The following ARHGEF18 variants were observed in gnomAD, a reference collection of about 807,000 sequenced individuals.
ARHGEF18 encodes the protein rho guanine nucleotide exchange factor 18.
In ARHGEF18, 93 loss-of-function variants were observed where a neutral mutation model predicts 155.7. The observed-to-expected ratio is 0.60, with a 90% confidence interval of 0.50 to 0.71. The LOEUF is 0.71. Ranked by LOEUF, ARHGEF18 falls within the 30% of genes least tolerant of loss-of-function variation. The pLI is 0.00. For synonymous variants in ARHGEF18, 742 were observed against 753.1 expected (o/e 0.99, Z 0.24); for missense variants, 1,593 against 1,816.1 (o/e 0.88, Z 2.23).
intron 1 of ARHGEF18, among the ~76,000 whole-genome samples, chr19:7,362,155 GAGGAGAAGAAGGAGA>G (rs1969634690): frequency 2.7e-5 from 1 of 37,610 alleles, no homozygotes; most frequent in East Asian, 8.9e-4. Context: ...GAAGGAGAAG[GAGGAGAAGAAGGAGA>G]AGAAGGAGAA....
At chr19:7,400,513 C>G (rs1300443405) in intron 10 of ARHGEF18, among the ~76,000 whole-genome samples, 2 of 151,928 alleles carry the variant, frequency 1.3e-5, no homozygotes, top group Non-Finnish European at 2.9e-5. Context: ...GGGAGTTGGT[C>G]TGGAGAAAGT....
At chr19:7,458,427 T>C in intron 18 of ARHGEF18, 85 bp from the exon 19 acceptor site, 2 of 1,315,766 alleles carry the variant, frequency 1.5e-6, no homozygotes, top group Non-Finnish European at 2.1e-6. Flanking sequence ...CCACTCTTAG[T>C]TCCCCTCACC....
At chr19:7,474,060 TG>T (rs1293231427), downstream of ARHGEF18, among the ~76,000 whole-genome samples, 1 of 150,146 alleles carries the variant, frequency 6.7e-6, no homozygotes, top group Non-Finnish European at 1.5e-5. Flanking sequence ...AAAAAAGGGC[TG>T]GACGCAGTGG....
intron 17 of ARHGEF18, among the ~76,000 whole-genome samples, chr19:7,455,574 C>T (rs952934581): frequency 5.3e-5 from 8 of 152,126 alleles, no homozygotes; most frequent in African/African-American, 1.4e-4. Flanking sequence ...TGCTGTGGCT[C>T]GGGTCCTGGT....
intron 2 of ARHGEF18, among the ~76,000 whole-genome samples, chr19:7,368,015 G>A (rs189751734): frequency 0.046 from 3,989 of 86,302 alleles, 460 homozygotes; most frequent in African/African-American, 0.14. Flanking sequence ...GGGAGGGAGG[G>A]AGGGCGGAAG....
intron 10 of ARHGEF18, among the ~76,000 whole-genome samples, chr19:7,408,712 G>GTATTT (rs1972484656): frequency 6.6e-6 from 1 of 152,188 alleles, no homozygotes; most frequent in Non-Finnish European, 1.5e-5. Flanking sequence ...GCAAGCCTGG[G>GTATTT]GGTGTTCAAC....
chr19:7,376,164 A>G (rs1970452535), intron 4 of ARHGEF18, among the ~76,000 whole-genome samples: 1 of 152,138 alleles, frequency 6.6e-6, no homozygotes, highest in African/African-American at 2.4e-5. Flanking sequence ...TTGCAGTTTC[A>G]GCCAGGCTTG....
chr19:7,405,341 C>G lies in ARHGEF18; in HGVS notation c.967+22138C>G, dbSNP rs139399600. Among the ~76,000 whole-genome samples the G allele has an allele frequency of 5.3e-5, 8 of 152,358 alleles. No individual in the cohort carries two copies. In the South Asian group the frequency reaches 6.2e-4, roughly 12 times the overall value. On this transcript the variant is annotated intron_variant, in intron 10 of 28. Transcript: ENST00000668164. ...TTCCACACCCTCCGTGGTCACGTGG[C>G]CTTCACCTGTGTGTGTGTTTCCCCT...
chr19:7,427,062 G>A (rs190189279), intron 10 of ARHGEF18, among the ~76,000 whole-genome samples: 5 of 152,134 alleles, frequency 3.3e-5, no homozygotes, highest in Admixed American at 6.6e-5. Context: ...TCGTAAGCTC[G>A]AGGTGGGGAA....
At chr19:7,371,125 G>A (rs937004512) in intron 2 of ARHGEF18, among the ~76,000 whole-genome samples, 7 of 151,870 alleles carry the variant, frequency 4.6e-5, no homozygotes, top group South Asian at 2.1e-4. Context: ...TTGTCCAGGC[G>A]GGTCTCAAAC....
chr19:7,448,212 G>A (rs556207429), intron 15 of ARHGEF18, among the ~76,000 whole-genome samples: 6 of 152,182 alleles, frequency 3.9e-5, no homozygotes, highest in Non-Finnish European at 5.9e-5. Context: ...GATGCCGTCT[G>A]TCTCAAGGAG....
chr19:7,423,454 C>T (rs1381634640), intron 10 of ARHGEF18, among the ~76,000 whole-genome samples: 4 of 152,110 alleles, frequency 2.6e-5, no homozygotes, highest in South Asian at 4.1e-4. Flanking sequence ...CATGGCAGCA[C>T]TTTGGGAGGC....
intron 23 of ARHGEF18, among the ~76,000 whole-genome samples, chr19:7,466,381 C>CAAAAAAAAAAA (rs3030730): frequency 1.3e-4 from 13 of 98,534 alleles, no homozygotes; most frequent in Admixed American, 3.4e-4. Context: ...AACTCCATCT[C>CAAAAAAAAAAA]AAAAAAAAAA....
intron 8 of ARHGEF18, among the ~76,000 whole-genome samples, chr19:7,382,548 G>A (rs150587245): frequency 1.4e-4 from 21 of 152,246 alleles, no homozygotes; most frequent in South Asian, 8.3e-4. Context: ...CTGAGATCAC[G>A]TTGCATTTCC....
Position 7,462,012 on chromosome 19 carries a change from C to T in ARHGEF18, c.2453-140C>T. The T allele has an allele frequency of 6.6e-6, 6 of 905,554 alleles. No homozygotes were observed. The South Asian group carries it at 9.3e-5, about 14-fold the overall frequency. 56.1% of individuals were successfully genotyped at this position (905,554 alleles called of 1,614,324 possible). A position where few individuals can be genotyped will look rare whatever the true frequency, so the allele number is the denominator to read the frequency against. On this transcript the variant is annotated intron_variant, in intron 20 of 28. Coordinates refer to ENST00000668164, the MANE Select transcript of ARHGEF18 (RefSeq NM_001367823.1). The surrounding 1 kb of genome is among the most constrained non-coding windows in gnomAD (Gnocchi z 4.4). The stretch of plus-strand genomic sequence containing the variant: ...CAAGGCCATGCCCTCCCCTACCTCC[C>T]AGGAATGCAGGACACAAGGGGGCAG...
At chr19:7,407,504 T>C (rs1228981566) in intron 10 of ARHGEF18, among the ~76,000 whole-genome samples, 1 of 151,962 alleles carries the variant, frequency 6.6e-6, no homozygotes, top group African/African-American at 2.4e-5. Flanking sequence ...ATTTCAAGCG[T>C]CTGGAATTCA....
intron 10 of ARHGEF18, among the ~76,000 whole-genome samples, chr19:7,420,879 G>A (rs1238358088): frequency 6.6e-6 from 1 of 152,224 alleles, no homozygotes; most frequent in Non-Finnish European, 1.5e-5. Flanking sequence ...TCTGTCTGCT[G>A]TGCTGGTTCA....
At position 7,462,912 on chromosome 19, in the gene ARHGEF18, C is replaced by A. The variant is rs1343922410; in HGVS notation, c.2635+578C>A. Reference sequence around the variant, plus strand: ...AGTGCAGTGGCGTGATCTCGGCTCACTGCAACCTCCACCTCCTGGGTTTAA... The same window carrying A: ...AGTGCAGTGGCGTGATCTCGGCTCAATGCAACCTCCACCTCCTGGGTTTAA... On this transcript the variant is annotated intron_variant, in intron 21 of 28. Coordinates refer to ENST00000668164, the MANE Select transcript of ARHGEF18 (RefSeq NM_001367823.1). This position sits in a 1 kb window ranked among gnomAD's most constrained non-coding sequence, Gnocchi z 4.4. 1.4e-5 allele frequency among the ~76,000 whole-genome samples: 2 copies of A among 147,992 alleles called. No homozygotes were observed. The highest frequency in any genetic ancestry group is 3.0e-5 in the Non-Finnish European group (2 of 67,580).
chr19:7,379,223 G>A, intron 7 of ARHGEF18, 57 bp downstream of exon 7: 1 of 1,220,828 alleles, frequency 8.2e-7, no homozygotes, highest in Non-Finnish European at 1.0e-6. Context: ...AAAGCAGGAA[G>A]CATGCAGGGG....
Sources: allele counts gnomAD v4.1 joint callset (sites outside exome capture counted in the v4.1 genomes callset), GRCh38; gene constraint gnomAD v4.1.1; non-coding constraint Gnocchi (gnomAD v3.1); transcripts MANE v1.5; gene names NCBI Gene and HGNC (gene_info 2026-07-23, HGNC 2026-07-21).